The following TWIST2 variants were observed in gnomAD, a reference collection of about 807,000 sequenced individuals.
TWIST2 encodes twist family bHLH transcription factor 2, also known as twist-related protein 2.
TWIST2 carries 1 observed loss-of-function variant against 11.6 expected under a neutral mutation model. The observed-to-expected ratio is 0.09, with a 90% confidence interval of 0.03 to 0.41. The LOEUF is 0.41. Among genes scored for constraint, TWIST2 ranks in the 10% least tolerant of loss-of-function variants. TWIST2 has a pLI of 0.98. For missense variants in TWIST2, 168 were observed against 226.4 expected, an observed-to-expected ratio of 0.74 and a Z score of 1.66; for synonymous variants, 87 against 96.6, an observed-to-expected ratio of 0.90 and a Z score of 0.58.
At chr2:238,853,382 G>GGAGA (rs374173009) in intron 1 of TWIST2, among the ~76,000 whole-genome samples, 42 of 139,974 alleles carry the variant, frequency 3.0e-4, no homozygotes, top group Admixed American at 2.6e-3. Context: ...GAGGAGGGAG[G>GGAGA]GAGAGAGAGA....
intron 1 of TWIST2, among the ~76,000 whole-genome samples, chr2:238,885,866 T>C (rs993887293): frequency 6.6e-6 from 1 of 152,108 alleles, no homozygotes; most frequent in African/African-American, 2.4e-5. Context: ...AGCTCCAGTC[T>C]GCACCCCCAG....
chr2:238,856,405 C>T lies in TWIST2; in HGVS notation c.*35+7672C>T, dbSNP rs1054097790. Among the ~76,000 whole-genome samples the T allele has an allele frequency of 2.6e-5, 4 of 152,310 alleles. No homozygotes were observed. The South Asian group carries it at 8.3e-4, about 32-fold the overall frequency. ...AGTGTTGCTGTATGTCATCTCCTTTCTTGTTTTACTACAGTTCACAAGTGA... is the reference window on the plus strand; with the variant it reads ...AGTGTTGCTGTATGTCATCTCCTTTTTTGTTTTACTACAGTTCACAAGTGA... On this transcript the variant is annotated intron_variant, in intron 1 of 1. Coordinates refer to ENST00000612363, the MANE Select transcript of TWIST2 (RefSeq NM_001271893.4).
chr2:238,906,064 T>C (rs1399245386), intron 1 of TWIST2, among the ~76,000 whole-genome samples: 1 of 152,204 alleles, frequency 6.6e-6, no homozygotes, highest in Non-Finnish European at 1.5e-5. Context: ...TTTTTCAGAC[T>C]GTTGCCTTGG....
At chr2:238,854,320 T>C (rs1028343283) in intron 1 of TWIST2, among the ~76,000 whole-genome samples, 1 of 152,232 alleles carries the variant, frequency 6.6e-6, no homozygotes, top group Non-Finnish European at 1.5e-5. Flanking sequence ...GTCCTAATTC[T>C]CACTGTCTAA....
intron 1 of TWIST2, among the ~76,000 whole-genome samples, chr2:238,905,904 CGTGTGTGTGCGTGCAG>C (rs1693339199): frequency 6.9e-6 from 1 of 144,060 alleles, no homozygotes; most frequent in African/African-American, 2.7e-5. Flanking sequence ...CGCGTGTGTG[CGTGTGTGTGCGTGCAG>C]GTGTGCGTGT....
chr2:238,858,788 C>T (rs1692375466), intron 1 of TWIST2, among the ~76,000 whole-genome samples: 1 of 152,130 alleles, frequency 6.6e-6, no homozygotes, highest in Admixed American at 6.5e-5. Flanking sequence ...TTTGTTCAAA[C>T]AAAAACTTGT....
At chr2:238,872,804 G>A (rs141776511) in intron 1 of TWIST2, among the ~76,000 whole-genome samples, 2 of 152,134 alleles carry the variant, frequency 1.3e-5, no homozygotes, top group Non-Finnish European at 2.9e-5. Flanking sequence ...TGGAGGTCAC[G>A]GGCATACGGC....
chr2:238,884,553 G>C (rs1037094347), intron 1 of TWIST2, among the ~76,000 whole-genome samples: 2 of 152,236 alleles, frequency 1.3e-5, no homozygotes, highest in Admixed American at 1.3e-4. Flanking sequence ...GTTCAAGGGT[G>C]TGGTTGCCAC....
At chr2:238,877,273 G>C (rs1277872010) in intron 1 of TWIST2, among the ~76,000 whole-genome samples, 1 of 152,108 alleles carries the variant, frequency 6.6e-6, no homozygotes, top group Non-Finnish European at 1.5e-5. Context: ...CCAGTATACT[G>C]TTTTGTAACA....
chr2:238,904,549 A>T (rs1425961401), intron 1 of TWIST2, among the ~76,000 whole-genome samples: 1 of 151,780 alleles, frequency 6.6e-6, no homozygotes, highest in Admixed American at 6.6e-5. Flanking sequence ...CTTCCCTGCC[A>T]TGCTGGTTCT....
At chr2:238,894,688 C>T (rs1242571839) in intron 1 of TWIST2, among the ~76,000 whole-genome samples, 1 of 152,072 alleles carries the variant, frequency 6.6e-6, no homozygotes, top group Admixed American at 6.5e-5. Context: ...TCCCTCTCCC[C>T]ACCTTCCTGG....
intron 1 of TWIST2, among the ~76,000 whole-genome samples, chr2:238,906,484 A>AC (rs1350886314): frequency 6.6e-6 from 1 of 152,038 alleles, no homozygotes; most frequent in Non-Finnish European, 1.5e-5. Flanking sequence ...GGACACACAG[A>AC]CCCACTCATG....
At chr2:238,894,770 G>A (rs2106370826) in intron 1 of TWIST2, among the ~76,000 whole-genome samples, 1 of 152,236 alleles carries the variant, frequency 6.6e-6, no homozygotes, top group African/African-American at 2.4e-5. Flanking sequence ...TCTCCTTGAA[G>A]ACCTGGCTGC....
intron 1 of TWIST2, among the ~76,000 whole-genome samples, chr2:238,890,668 A>G (rs772887133): frequency 6.6e-6 from 1 of 152,264 alleles, no homozygotes; most frequent in Non-Finnish European, 1.5e-5. Flanking sequence ...GCTACAGTTT[A>G]TAAACGGGGT....
chr2:238,891,024 C>T (rs1430392154), intron 1 of TWIST2, among the ~76,000 whole-genome samples: 3 of 152,218 alleles, frequency 2.0e-5, no homozygotes, highest in Non-Finnish European at 4.4e-5. Flanking sequence ...CTCGGATCCC[C>T]CGAGCTTCGG....
chr2:238,867,550 GA>G lies in TWIST2; in HGVS notation c.*35+18819del, dbSNP rs1692566158. ...GCTGGGAGGAGAGAGTTGTGGCTGG[GA>G]ACCCTTTGATAAACAGGAAAGAATA... is the stretch of plus-strand genomic sequence containing the variant. On this transcript the variant is annotated intron_variant, in intron 1 of 1. Transcript: ENST00000612363. This position sits in a 1 kb window ranked among gnomAD's most constrained non-coding sequence, Gnocchi z 4.8. Among the ~76,000 whole-genome samples the G allele has an allele frequency of 6.6e-6, 1 of 152,096 alleles. No individual in the cohort carries two copies. Among genetic ancestry groups the G allele is most frequent in the African/African-American group, 2.4e-5 (1 of 41,410 alleles).
intron 1 of TWIST2, among the ~76,000 whole-genome samples, chr2:238,852,519 A>G (rs533024886): frequency 2.0e-5 from 3 of 152,372 alleles, no homozygotes; most frequent in East Asian, 3.9e-4. Flanking sequence ...TAAAGGAGAA[A>G]CAGAATCTAA....
chr2:238,856,507 T>C (rs964781359), intron 1 of TWIST2, among the ~76,000 whole-genome samples: 2 of 152,148 alleles, frequency 1.3e-5, no homozygotes, highest in Non-Finnish European at 2.9e-5. Flanking sequence ...CATTAGTCTA[T>C]CATTTATAAT....
In TWIST2 at chr2:238,910,286, C is replaced by G. The variant is rs1008592994; in HGVS notation, c.*480C>G. On this transcript the variant is annotated 3_prime_UTR_variant, in exon 2 of 2. Transcript: ENST00000612363. The stretch of plus-strand genomic sequence containing the variant: ...GGACCAAGGCTCTCAGAAGAGGACC[C>G]CCGAGTTCCTTCCCCTCCCCCGAGC... 1.3e-5 allele frequency: 2 copies of G among 151,970 alleles called. No individual in the cohort carries two copies. Among genetic ancestry groups the G allele is most frequent in the African/African-American group, 4.8e-5 (2 of 41,360 alleles). The allele number at this position is 151,970 out of a possible 1,614,324, so 9.4% of individuals were successfully genotyped here.
Sources: allele counts gnomAD v4.1 joint callset (sites outside exome capture counted in the v4.1 genomes callset), GRCh38; gene constraint gnomAD v4.1.1; non-coding constraint Gnocchi (gnomAD v3.1); transcripts MANE v1.5; gene names NCBI Gene and HGNC (gene_info 2026-07-23, HGNC 2026-07-21).